The following RGS18 variants were observed in gnomAD, a reference collection of about 807,000 sequenced individuals.
RGS18 encodes regulator of G-protein signaling 18.
Under a neutral mutation model 27.6 loss-of-function variants are expected in RGS18, and 22 were observed. The observed-to-expected ratio is 0.80, with a 90% CI of 0.57 to 1.14. The LOEUF is 1.14. Among genes scored for constraint, RGS18 ranks in the 50% most tolerant of loss-of-function variants. The probability of loss-of-function intolerance (pLI) is 0.00; values close to 1 mark genes in which losing one functional copy is unlikely to be tolerated. For synonymous variants in RGS18, 89 were observed against 84.6 expected (o/e 1.05, Z -0.29); for missense variants, 299 against 269.6 (o/e 1.11, Z -0.76).
intron 3 of RGS18, among the ~76,000 whole-genome samples, chr1:192,162,148 A>C (rs1656084310): frequency 6.6e-6 from 1 of 152,200 alleles, no homozygotes; most frequent in South Asian, 2.1e-4. Flanking sequence ...TCACTCTAAG[A>C]CTAGCTACTA....
chr1:192,184,360 A>T lies in RGS18; in HGVS notation c.514A>T (p.Ser172Cys). 1 of 1,611,736 alleles carries T rather than the reference A, an allele frequency of 6.2e-7. No homozygotes were observed. The part of the protein sequence containing the change: ...TNSITQPTLH[S>C]FDAAQSRVYQ... The stretch of plus-strand genomic sequence containing the variant: ...CAGCATCACTCAACCTACCCTCCAC[A>T]GTTTTGATGCTGCACAAAGCAGAGT... The change falls in exon 5 of 5, where the codon AGT (serine) becomes TGT (cysteine). Residue 172 changes from serine to cysteine, a missense_variant. Coordinates refer to ENST00000367460, the MANE Select transcript of RGS18 (RefSeq NM_130782.3).
intron 3 of RGS18, among the ~76,000 whole-genome samples, chr1:192,166,739 G>T (rs1424974662): frequency 6.6e-6 from 1 of 152,126 alleles, no homozygotes; most frequent in East Asian, 1.9e-4. Flanking sequence ...TGTAATAGAT[G>T]CGAAATAGAG....
chr1:192,183,317 A>G (rs190144216), intron 4 of RGS18, among the ~76,000 whole-genome samples: 73 of 151,764 alleles, frequency 4.8e-4, no homozygotes, highest in Non-Finnish European at 8.7e-4. Flanking sequence ...ATACTACAGC[A>G]TATGTTTGCT....
intron 4 of RGS18, among the ~76,000 whole-genome samples, chr1:192,182,826 A>C (rs1656479164): frequency 6.6e-6 from 1 of 151,614 alleles, no homozygotes; most frequent in Non-Finnish European, 1.5e-5. Context: ...GACATCAAGA[A>C]GTTTGCATCA....
At chr1:192,182,451 A>G (rs1473424308) in intron 4 of RGS18, among the ~76,000 whole-genome samples, 1 of 151,502 alleles carries the variant, frequency 6.6e-6, no homozygotes, top group Non-Finnish European at 1.5e-5. Context: ...ATGATGTTGA[A>G]CATTTTGTCC....
intron 3 of RGS18, among the ~76,000 whole-genome samples, chr1:192,171,040 GC>G (rs754420512): frequency 2.0e-5 from 3 of 152,106 alleles, no homozygotes; most frequent in Non-Finnish European, 2.9e-5. Flanking sequence ...AGTACAACCA[GC>G]ACATCTGATG....
At chr1:192,166,114 T>C (rs913411347) in intron 3 of RGS18, among the ~76,000 whole-genome samples, 2 of 152,148 alleles carry the variant, frequency 1.3e-5, no homozygotes, top group Non-Finnish European at 2.9e-5. Flanking sequence ...TAGAGATATA[T>C]TATACACACA....
intron 3 of RGS18, among the ~76,000 whole-genome samples, chr1:192,174,009 TTTTC>T (rs898916688): frequency 8.6e-5 from 13 of 151,784 alleles, no homozygotes; most frequent in African/African-American, 3.1e-4. Flanking sequence ...TTCCTGTTTT[TTTTC>T]TTTCTTTTTT....
intron 1 of RGS18, 44 bp downstream of exon 1, chr1:192,158,800 A>T: frequency 4.6e-6 from 6 of 1,308,754 alleles, no homozygotes; most frequent in Non-Finnish European, 6.4e-6. Context: ...TTTTAAAAGC[A>T]TAATTGAGGT....
At chr1:192,177,262 AT>A (rs553204628) in intron 3 of RGS18, among the ~76,000 whole-genome samples, 59 of 147,614 alleles carry the variant, frequency 4.0e-4, no homozygotes, top group Non-Finnish European at 4.1e-4. Context: ...AATTTTGTGG[AT>A]TTTTTTTTTG....
chr1:192,174,096 A>T (rs1656316008), intron 3 of RGS18, among the ~76,000 whole-genome samples: 1 of 151,158 alleles, frequency 6.6e-6, no homozygotes, highest in African/African-American at 2.4e-5. Context: ...CAAATTTTTG[A>T]TCTGCTGTAC....
chr1:192,169,563 C>T (rs1656220864), intron 3 of RGS18: 1 of 152,128 alleles, frequency 6.6e-6, no homozygotes, highest in Non-Finnish European at 1.5e-5. Flanking sequence ...GGACCTATAT[C>T]ATAGACAAAC....
chr1:192,182,282 G>A (rs939882210), intron 4 of RGS18, among the ~76,000 whole-genome samples: 1 of 151,344 alleles, frequency 6.6e-6, no homozygotes, highest in Non-Finnish European at 1.5e-5. Context: ...TTTCTATAAT[G>A]GCTGCACTAC....
At chr1:192,180,993 A>T (rs1432493410) in intron 3 of RGS18, among the ~76,000 whole-genome samples, 1 of 151,634 alleles carries the variant, frequency 6.6e-6, no homozygotes, top group Non-Finnish European at 1.5e-5. Flanking sequence ...GGGAACGGAT[A>T]AAAGAGACAT....
intron 4 of RGS18, 104 bp downstream of exon 4, chr1:192,181,562 T>G (rs1308113085): frequency 1.0e-5 from 8 of 777,604 alleles, no homozygotes. Flanking sequence ...TTTTATTAAT[T>G]TCATTTATAA....
chr1:192,184,253 A>G lies in RGS18; in HGVS notation c.451-44A>G, dbSNP rs752131187. On this transcript the variant is annotated intron_variant, in intron 4 of 4. Coordinates refer to ENST00000367460, the MANE Select transcript of RGS18 (RefSeq NM_130782.3). ...TGTGCTGTTTCTCAAAGTTGTTTAT[A>G]TAAGCATATTAACTATAATCACACT... 6 of 1,561,444 alleles carry G rather than the reference A, an allele frequency of 3.8e-6. No individual in the cohort carries two copies. The East Asian group carries it at 9.1e-5, about 24-fold the overall frequency.
intron 3 of RGS18, chr1:192,167,712 C>A (rs1246323122): frequency 6.6e-6 from 1 of 152,070 alleles, no homozygotes; most frequent in Non-Finnish European, 1.5e-5. Context: ...AGCCACCATG[C>A]CTGTCCAACA....
chr1:192,173,221 G>T (rs1239198032), intron 3 of RGS18, among the ~76,000 whole-genome samples: 2 of 151,810 alleles, frequency 1.3e-5, no homozygotes, highest in Admixed American at 1.3e-4. Flanking sequence ...AAGTTAAAAT[G>T]AGTTGAACAG....
At position 192,161,107 on chromosome 1, in the gene RGS18, C is replaced by T. The variant is rs145049255; in HGVS notation, c.283+668C>T. Among the ~76,000 whole-genome samples the T allele has an allele frequency of 7.6e-3, 1,157 of 152,328 alleles. 11 individuals are homozygous for T. The highest frequency in any genetic ancestry group is 0.027 in the African/African-American group (1,109 of 41,580). ...CCTGGTGATCCACCCGTCTCAGCCTCCCAAAGTGCTGGGATTACAGGCGTG... is the reference window on the plus strand; with the variant it reads ...CCTGGTGATCCACCCGTCTCAGCCTTCCAAAGTGCTGGGATTACAGGCGTG... On this transcript the variant is annotated intron_variant, in intron 3 of 4. Transcript: ENST00000367460.
Sources: gnomAD v4.1 joint callset for allele counts (sites outside exome capture counted in the v4.1 genomes callset) on GRCh38, gnomAD v4.1.1 for gene constraint, MANE v1.5 for transcripts, NCBI Gene and HGNC (gene_info 2026-07-23, HGNC 2026-07-21) for gene names.